MVB12B: variants seen among roughly 807,000 people sequenced by gnomAD.
MVB12B encodes multivesicular body subunit 12B, also known as ESCRT-I complex subunit MVB12B.
In MVB12B, 16 loss-of-function variants were observed where a neutral mutation model predicts 41.6. The ratio of observed to expected loss-of-function variants is 0.38; its 90% CI spans 0.26 to 0.58. The LOEUF (loss-of-function observed/expected upper bound fraction) is 0.58, where lower values mean the gene tolerates loss of function less well. MVB12B is among the 20% of genes least tolerant of loss of function. MVB12B has a pLI of 0.62. For synonymous variants in MVB12B, 133 were observed against 139.7 expected (o/e 0.95, Z 0.34); for missense variants, 274 against 380.2 (o/e 0.72, Z 2.32).
chr9:126,370,281 T>C (rs1443223149), intron 2 of MVB12B, among the ~76,000 whole-genome samples: 2 of 152,174 alleles, frequency 1.3e-5, no homozygotes, highest in African/African-American at 4.8e-5. Flanking sequence ...ACTCATTTTG[T>C]TGGACATTTG....
At position 126,347,870 on chromosome 9, in the gene MVB12B, G is replaced by A. The variant is rs568085603; in HGVS notation, c.204+7240G>A. ...TCACATGGATTTTCAGAAAGCCGAAGCTGTGGTGGGGGGCCTTTCAGGGGG... is the reference window on the plus strand; with the variant it reads ...TCACATGGATTTTCAGAAAGCCGAAACTGTGGTGGGGGGCCTTTCAGGGGG... On this transcript the variant is annotated intron_variant, in intron 2 of 9. Transcript: ENST00000361171. 2.6e-5 allele frequency among the ~76,000 whole-genome samples: 4 copies of A among 152,374 alleles called. No homozygotes were observed. The South Asian group carries it at 8.3e-4, about 32-fold the overall frequency.
intron 2 of MVB12B, among the ~76,000 whole-genome samples, chr9:126,380,547 A>G (rs1830604890): frequency 6.6e-6 from 1 of 152,224 alleles, no homozygotes; most frequent in African/African-American, 2.4e-5. Context: ...AAGAGGACGC[A>G]GGGTGGAGTG....
intron 7 of MVB12B, among the ~76,000 whole-genome samples, chr9:126,445,067 C>T (rs1003477950): frequency 2.6e-5 from 4 of 152,062 alleles, no homozygotes; most frequent in Non-Finnish European, 4.4e-5. Context: ...TTTAGAATCA[C>T]TTTAAGTTCC....
At chr9:126,345,094 G>A (rs889206272) in intron 2 of MVB12B, among the ~76,000 whole-genome samples, 1 of 152,158 alleles carries the variant, frequency 6.6e-6, no homozygotes, top group Non-Finnish European at 1.5e-5. Flanking sequence ...TGGGACTTTG[G>A]GGATAATGGG....
At chr9:126,497,733 G>T (rs992835016) in intron 9 of MVB12B, among the ~76,000 whole-genome samples, 1 of 152,216 alleles carries the variant, frequency 6.6e-6, no homozygotes, top group Non-Finnish European at 1.5e-5. Context: ...ACGCTTTCTG[G>T]AGCTGGGGCT....
At chr9:126,493,919 A>G (rs1193297316) in intron 9 of MVB12B, among the ~76,000 whole-genome samples, 1 of 152,154 alleles carries the variant, frequency 6.6e-6, no homozygotes, top group Non-Finnish European at 1.5e-5. Context: ...TCGCCTGTGA[A>G]TGCTGAGGCC....
chr9:126,451,138 G>A (rs1273760389), intron 7 of MVB12B, among the ~76,000 whole-genome samples: 2 of 152,204 alleles, frequency 1.3e-5, no homozygotes, highest in African/African-American at 4.8e-5. Context: ...TTGGCAGGCT[G>A]AGTATTCCCA....
At chr9:126,429,415 C>T (rs1832272474) in intron 7 of MVB12B, among the ~76,000 whole-genome samples, 1 of 152,212 alleles carries the variant, frequency 6.6e-6, no homozygotes, top group African/African-American at 2.4e-5. Context: ...GGCGCACGCA[C>T]ACTGCCTTGT....
chr9:126,501,049 CCCAGGCGGCCA>C (rs1833944987), intron 9 of MVB12B, among the ~76,000 whole-genome samples: 1 of 152,224 alleles, frequency 6.6e-6, no homozygotes, highest in Non-Finnish European at 1.5e-5. Flanking sequence ...CGTGCATGTG[CCCAGGCGGCCA>C]CCAGGTGGCA....
chr9:126,477,410 G>A (rs962018486), intron 7 of MVB12B, among the ~76,000 whole-genome samples: 4 of 152,172 alleles, frequency 2.6e-5, no homozygotes, highest in Non-Finnish European at 5.9e-5. Flanking sequence ...AGTTTTACAA[G>A]TGTATAGTCC....
Position 126,421,836 on chromosome 9 carries a change from C to A in MVB12B, c.663-18C>A. The A allele has an allele frequency of 6.3e-7, 1 of 1,594,132 alleles. No homozygotes were observed. Among genetic ancestry groups the A allele is most frequent in the Non-Finnish European group, 8.6e-7 (1 of 1,161,738 alleles). Reference sequence around the variant, plus strand: ...ATGCTCCTTGTAATCTCCTTTCTCTCGTCCTTCTCTTCCTCAGGCACATCT... The same window carrying A: ...ATGCTCCTTGTAATCTCCTTTCTCTAGTCCTTCTCTTCCTCAGGCACATCT... On this transcript the variant is annotated intron_variant, in intron 6 of 9. Coordinates refer to ENST00000361171, the MANE Select transcript of MVB12B (RefSeq NM_033446.3).
rs1306470508 is a variant in MVB12B at position 126,391,288 on chromosome 9, T to C, written c.410-778T>C. On this transcript the variant is annotated intron_variant, in intron 4 of 9. Coordinates refer to ENST00000361171, the MANE Select transcript of MVB12B (RefSeq NM_033446.3). The surrounding 1 kb of genome is among the most constrained non-coding windows in gnomAD (Gnocchi z 4.4). ...GGGGAGTGACCCGATTTCTCCAACC[T>C]GTTAGTGCCCTGAAGAAAAGGGAAC... Among the ~76,000 whole-genome samples, 2 of 152,194 alleles carry C rather than the reference T, an allele frequency of 1.3e-5. No homozygotes were observed. Among genetic ancestry groups the C allele is most frequent in the African/African-American group, 4.8e-5 (2 of 41,452 alleles).
At chr9:126,457,138 C>T (rs1205004960) in intron 7 of MVB12B, among the ~76,000 whole-genome samples, 1 of 152,206 alleles carries the variant, frequency 6.6e-6, no homozygotes, top group Non-Finnish European at 1.5e-5. Context: ...CGCCCTCAGC[C>T]CACCCTCCCC....
intron 7 of MVB12B, among the ~76,000 whole-genome samples, chr9:126,429,148 T>C (rs1588165511): frequency 6.6e-6 from 1 of 152,192 alleles, no homozygotes; most frequent in Non-Finnish European, 1.5e-5. Flanking sequence ...AAGAAGTCAT[T>C]TTAAAGACAG....
intron 7 of MVB12B, among the ~76,000 whole-genome samples, chr9:126,423,827 A>G (rs1451878379): frequency 6.6e-6 from 1 of 152,212 alleles, no homozygotes; most frequent in Non-Finnish European, 1.5e-5. Flanking sequence ...TTACCCCCAT[A>G]TGAACAGTAT....
At chr9:126,435,867 ACTGCCACTGTGAAGGGTACGG>A (rs1832464370) in intron 7 of MVB12B, among the ~76,000 whole-genome samples, 1 of 152,228 alleles carries the variant, frequency 6.6e-6, no homozygotes, top group Non-Finnish European at 1.5e-5. Flanking sequence ...ATGGCAGGTC[ACTGCCACTGTGAAGGGTACGG>A]CTGTAGATGC....
intron 1 of MVB12B, among the ~76,000 whole-genome samples, chr9:126,331,282 T>C (rs1025572507): frequency 2.6e-5 from 4 of 152,172 alleles, no homozygotes; most frequent in African/African-American, 7.2e-5. Context: ...TTATTTTGTT[T>C]GTATGTTTGT....
At chr9:126,400,049 G>A (rs746962728) in intron 6 of MVB12B, among the ~76,000 whole-genome samples, 1 of 152,234 alleles carries the variant, frequency 6.6e-6, no homozygotes, top group African/African-American at 2.4e-5. Context: ...ACAGCCTGGT[G>A]TGCACAGCGG....
intron 7 of MVB12B, among the ~76,000 whole-genome samples, chr9:126,439,341 T>G (rs1832575769): frequency 6.6e-6 from 1 of 151,930 alleles, no homozygotes; most frequent in Non-Finnish European, 1.5e-5. Context: ...AGGGTGAGAG[T>G]TGCTCTGTGG....
Sources: gnomAD v4.1 joint callset for allele counts (sites outside exome capture counted in the v4.1 genomes callset) on GRCh38, gnomAD v4.1.1 for gene constraint, Gnocchi (gnomAD v3.1) non-coding constraint, MANE v1.5 for transcripts, NCBI Gene and HGNC (gene_info 2026-07-23, HGNC 2026-07-21) for gene names.